Variants in IGSF10 observed in about 807,000 individuals in gnomAD.
IGSF10 encodes immunoglobulin superfamily member 10.
Under a neutral mutation model 128.2 loss-of-function variants are expected in IGSF10, and 126 were observed. The ratio of observed to expected loss-of-function variants is 0.98; its 90% CI spans 0.85 to 1.14. The LOEUF (loss-of-function observed/expected upper bound fraction) is 1.14. IGSF10 is among the 50% of genes most tolerant of loss of function. The pLI is 0.00. For synonymous variants in IGSF10, 1,185 were observed against 1,146.2 expected, an observed-to-expected ratio of 1.03 and a Z score of -0.68; for missense variants, 3,295 against 3,149.8, an observed-to-expected ratio of 1.05 and a Z score of -1.10.
chr3:151,487,151 C>A, the IGSF10 span, among the ~76,000 whole-genome samples: 7 of 152,192 alleles, frequency 4.6e-5, no homozygotes, highest in South Asian at 1.5e-3. Flanking sequence ...AAGAGAATAT[C>A]ACCACTGATC....
chr3:151,607,103 C>T, the IGSF10 span, among the ~76,000 whole-genome samples: 5 of 152,152 alleles, frequency 3.3e-5, no homozygotes, highest in Admixed American at 1.3e-4. Context: ...GCCCTTTCAA[C>T]TCTAATATTC....
Position 151,447,385 on chromosome 3 carries a change from T to G in IGSF10, c.2596A>C (p.Lys866Gln), listed in dbSNP as rs773087519. Residue 866 changes from lysine to glutamine, a missense_variant, in exon 6 of 8, where the codon AAA (lysine) becomes CAA (glutamine). By Grantham distance (53) the Lys-to-Gln change is moderately conservative (BLOSUM62 1). Coordinates refer to ENST00000282466, the MANE Select transcript of IGSF10 (RefSeq NM_178822.5). ...ATATTCTTTGACATGGCTGTAGTTT[T>G]AATAGCAGTAGACAGTTTGAAATCT... ...PTDFKLSTAI[K>Q]TTAMSKNINP... is the part of the protein sequence containing the mutation. 6.2e-7 allele frequency: 1 copy of G among 1,614,194 alleles called. No homozygotes were observed. The highest frequency in any genetic ancestry group is 8.5e-7 in the Non-Finnish European group (1 of 1,180,000).
the IGSF10 span, among the ~76,000 whole-genome samples, chr3:151,591,590 G>T: frequency 6.6e-6 from 1 of 151,820 alleles, no homozygotes; most frequent in Admixed American, 6.6e-5. Flanking sequence ...GGGAGTTAAC[G>T]ATCTAGAAGT....
At chr3:151,472,309 A>C in the IGSF10 span, among the ~76,000 whole-genome samples, 1 of 152,182 alleles carries the variant, frequency 6.6e-6, no homozygotes, top group Non-Finnish European at 1.5e-5. Flanking sequence ...TTCTGGTTGG[A>C]TAGAGGCCTT....
chr3:151,470,384 T>C, the IGSF10 span, among the ~76,000 whole-genome samples: 7 of 152,232 alleles, frequency 4.6e-5, no homozygotes, highest in African/African-American at 1.4e-4. Flanking sequence ...AAAGTTTTCC[T>C]TGACCTGCAA....
At chr3:151,463,815 G>A (rs541223755), upstream of IGSF10, among the ~76,000 whole-genome samples, 47 of 151,816 alleles carry the variant, frequency 3.1e-4, no homozygotes, top group African/African-American at 8.2e-4. Flanking sequence ...GTGAAACCCC[G>A]TCTCTACAAA....
chr3:151,568,188 T>C, the IGSF10 span, among the ~76,000 whole-genome samples: 1 of 152,174 alleles, frequency 6.6e-6, no homozygotes, highest in Non-Finnish European at 1.5e-5. Flanking sequence ...TACTTTTTCC[T>C]CTTTAATCCT....
the IGSF10 span, among the ~76,000 whole-genome samples, chr3:151,606,354 C>T: frequency 1.1e-4 from 16 of 152,070 alleles, no homozygotes; most frequent in Non-Finnish European, 2.1e-4. Flanking sequence ...GTAAGCTTTT[C>T]GTTATGCAAA....
At chr3:151,544,656 G>GTT in the IGSF10 span, among the ~76,000 whole-genome samples, 1 of 144,618 alleles carries the variant, frequency 6.9e-6, no homozygotes, top group South Asian at 2.2e-4. Flanking sequence ...TCAATGACCT[G>GTT]TTTTCTCTTT....
chr3:151,454,457 C>G (rs1246315988), intron 4 of IGSF10, among the ~76,000 whole-genome samples: 1 of 151,966 alleles, frequency 6.6e-6, no homozygotes, highest in Non-Finnish European at 1.5e-5. Flanking sequence ...TTGAATGGAG[C>G]GGAGAATAGT....
the IGSF10 span, among the ~76,000 whole-genome samples, chr3:151,534,672 G>C: frequency 6.6e-6 from 1 of 151,362 alleles, no homozygotes; most frequent in African/African-American, 2.4e-5. Context: ...GGAGCTGGGG[G>C]AGGGGTAGCA....
chr3:151,571,101 G>T, the IGSF10 span, among the ~76,000 whole-genome samples: 1 of 151,992 alleles, frequency 6.6e-6, no homozygotes, highest in Admixed American at 6.6e-5. Flanking sequence ...CATTGGTTTT[G>T]GTACCAGTAC....
chr3:151,503,127 G>A, the IGSF10 span, among the ~76,000 whole-genome samples: 1,909 of 152,086 alleles, frequency 0.013, 17 homozygotes, highest in South Asian at 0.031. Flanking sequence ...TCCCCAGGCT[G>A]GCAGTGCAAA....
chr3:151,439,556 G>A (rs1488205374), intron 7 of IGSF10, among the ~76,000 whole-genome samples: 2 of 151,562 alleles, frequency 1.3e-5, no homozygotes, highest in African/African-American at 4.9e-5. Context: ...TGGGGTTGCA[G>A]TGAGCCGAGA....
chr3:151,437,273 G>A lies in IGSF10; in HGVS notation c.7288C>T (p.Gln2430Ter), dbSNP rs755687026. The change falls in exon 8 of 8, where the codon CAG becomes TAG. Residue 2430 changes from glutamine (Q) to a stop codon, truncating the protein, a stop_gained. Transcript: ENST00000282466. LOFTEE classifies it low-confidence loss of function (END_TRUNC). ...GCATAGGTAAGAATAACTGGCTTCTGGCCAATTTCTAATATGACTAATTTC... is the reference window on the plus strand; with the variant it reads ...GCATAGGTAAGAATAACTGGCTTCTAGCCAATTTCTAATATGACTAATTTC... ...IEKLVILEIG[Q>*]KPVILTYAPG... The A allele has an allele frequency of 1.9e-6, 3 of 1,614,090 alleles. No homozygotes were observed. The highest frequency in any genetic ancestry group is 1.7e-6 in the Non-Finnish European group (2 of 1,180,008).
chr3:151,489,323 A>G, the IGSF10 span, among the ~76,000 whole-genome samples: 33 of 152,332 alleles, frequency 2.2e-4, no homozygotes, highest in Non-Finnish European at 1.3e-4. Flanking sequence ...AGTAGGAAAC[A>G]ACAGATGCTG....
At chr3:151,576,238 T>C in the IGSF10 span, among the ~76,000 whole-genome samples, 6 of 152,030 alleles carry the variant, frequency 3.9e-5, no homozygotes, top group Non-Finnish European at 5.9e-5. Context: ...ATTTTCATTA[T>C]ACATTTTAGA....
At chr3:151,598,070 GGTGTGTGTGTGTGTGTGTGTGTGT>G in the IGSF10 span, among the ~76,000 whole-genome samples, 1 of 137,684 alleles carries the variant, frequency 7.3e-6, no homozygotes, top group Non-Finnish European at 1.6e-5. Flanking sequence ...AATGAGTACT[GGTGTGTGTGTGTGTGTGTGTGTGT>G]GTGTGTGTGT....
chr3:151,515,262 T>C, the IGSF10 span, among the ~76,000 whole-genome samples: 3 of 151,904 alleles, frequency 2.0e-5, no homozygotes, highest in Non-Finnish European at 2.9e-5. Context: ...ATGTGGCACA[T>C]GTATGCCATG....
Sources: allele counts gnomAD v4.1 joint callset (sites outside exome capture counted in the v4.1 genomes callset), GRCh38; gene constraint gnomAD v4.1.1; transcripts MANE v1.5; gene names NCBI Gene and HGNC (gene_info 2026-07-23, HGNC 2026-07-21).